CDKN2AIPNL: variants seen among roughly 807,000 people sequenced by gnomAD.
CDKN2AIPNL encodes CDKN2AIP N-terminal-like protein.
CDKN2AIPNL carries 9 observed loss-of-function variants against 12.9 expected under a neutral mutation model. That is an observed-to-expected ratio of 0.70 (90% CI 0.42 to 1.22). The LOEUF (loss-of-function observed/expected upper bound fraction) is 1.22, where lower values mean the gene tolerates loss of function less well. Ranked by LOEUF, CDKN2AIPNL falls within the 50% of genes most tolerant of loss-of-function variation. CDKN2AIPNL has a pLI of 0.00. For missense variants in CDKN2AIPNL, 143 were observed against 153.6 expected, an observed-to-expected ratio of 0.93 and a Z score of 0.37; for synonymous variants, 53 against 61.7, an observed-to-expected ratio of 0.86 and a Z score of 0.66.
At chr5:134,411,074 C>A (rs1328908972) in intron 1 of CDKN2AIPNL, 1 of 702,540 alleles carries the variant, frequency 1.4e-6, no homozygotes, top group East Asian at 2.7e-5. Context: ...CTACTTAGGA[C>A]CCCGTGGGCT....
At chr5:134,407,768 C>CAA (rs749911435) in intron 2 of CDKN2AIPNL, among the ~76,000 whole-genome samples, 4 of 85,032 alleles carry the variant, frequency 4.7e-5, no homozygotes, top group South Asian at 3.7e-4. Flanking sequence ...AACTCCATCT[C>CAA]AAAAAAAAAA....
chr5:134,410,098 C>CA (rs1279784680), intron 1 of CDKN2AIPNL, 96 bp from the exon 2 acceptor site: 3 of 811,126 alleles, frequency 3.7e-6, no homozygotes, highest in Non-Finnish European at 6.1e-6. Flanking sequence ...AATCAGCTCT[C>CA]AGAGAACTGA....
At position 134,402,939 on chromosome 5, in the gene CDKN2AIPNL, G is replaced by A; in HGVS notation, c.340-13C>T. ...CTTAGCTTTGATGCTGGGAAAAAAA[G>A]AAAAGAAAAGGTTACATAACCATGT... On this transcript the variant is annotated splice_polypyrimidine_tract_variant and intron_variant, in intron 2 of 2. Transcript: ENST00000458198. The A allele has an allele frequency of 6.2e-7, 1 of 1,602,468 alleles. No homozygotes were observed. The highest frequency in any genetic ancestry group is 8.5e-7 in the Non-Finnish European group (1 of 1,177,248).
intron 2 of CDKN2AIPNL, among the ~76,000 whole-genome samples, chr5:134,407,490 C>T (rs886792322): frequency 6.6e-6 from 1 of 151,952 alleles, no homozygotes; most frequent in African/African-American, 2.4e-5. Flanking sequence ...ATCAGAAAAC[C>T]TTGCTGGGCA....
intron 1 of CDKN2AIPNL, chr5:134,410,584 G>T: frequency 5.9e-6 from 1 of 170,748 alleles, no homozygotes. Flanking sequence ...TAAATACATG[G>T]AATGTTAGTC....
chr5:134,405,465 G>C (rs936299209), intron 2 of CDKN2AIPNL, among the ~76,000 whole-genome samples: 1 of 150,528 alleles, frequency 6.6e-6, no homozygotes, highest in African/African-American at 2.5e-5. Flanking sequence ...CGCCCAGGCT[G>C]GAGTGCAATG....
At chr5:134,405,550 G>C (rs1325828945) in intron 2 of CDKN2AIPNL, among the ~76,000 whole-genome samples, 1 of 151,802 alleles carries the variant, frequency 6.6e-6, no homozygotes, top group Non-Finnish European at 1.5e-5. Flanking sequence ...TTGAGTAGCT[G>C]GGATTACAGG....
chr5:134,411,703 T>C lies in CDKN2AIPNL; in HGVS notation c.152A>G (p.Tyr51Cys), dbSNP rs1177560202. 1 of 1,613,126 alleles carries C rather than the reference T, an allele frequency of 6.2e-7. No individual in the cohort carries two copies. The change falls in exon 1 of 3, where the codon TAC (tyrosine) becomes TGC (cysteine). Residue 51 changes from tyrosine to cysteine, a missense_variant. Tyr to Cys is a radical substitution (Grantham distance 194). This residue lies in a region of CDKN2AIPNL where 111 missense variants were observed against 111.4 expected (regional missense o/e 1.00). Transcript: ENST00000458198. ...GCCACTGCCGTCGGGCGGGTCGCGGTAGTCGGGCAGGTGGCGCAGGATGAA... is the reference window on the plus strand; with the variant it reads ...GCCACTGCCGTCGGGCGGGTCGCGGCAGTCGGGCAGGTGGCGCAGGATGAA... Reference protein sequence around the residue: ...MEFILRHLPDYRDPPDGSGRL... With the variant: ...MEFILRHLPDCRDPPDGSGRL...
chr5:134,405,486 G>A (rs1478727883), intron 2 of CDKN2AIPNL, among the ~76,000 whole-genome samples: 2 of 151,064 alleles, frequency 1.3e-5, no homozygotes, highest in African/African-American at 2.4e-5. Flanking sequence ...ACACGATCTC[G>A]GCTCACTGCA....
chr5:134,411,545 GT>G, intron 1 of CDKN2AIPNL, 70 bp downstream of exon 1: 3 of 1,356,080 alleles, frequency 2.2e-6, no homozygotes, highest in Non-Finnish European at 3.1e-6. Flanking sequence ...CGGGTCAGGG[GT>G]GAGCCCTGGG....
At chr5:134,411,020 C>T (rs1433649953) in intron 1 of CDKN2AIPNL, 1 of 702,210 alleles carries the variant, frequency 1.4e-6, no homozygotes, top group Admixed American at 2.0e-5. Flanking sequence ...AAAAAGGCAT[C>T]GGCCATTTTC....
chr5:134,405,439 CAG>C (rs1212226458), intron 2 of CDKN2AIPNL, among the ~76,000 whole-genome samples: 1 of 148,308 alleles, frequency 6.7e-6, no homozygotes, highest in South Asian at 2.1e-4. Context: ...TTTTTTGAGA[CAG>C]AGTCTCACTC....
chr5:134,408,394 G>A (rs1021687080), intron 2 of CDKN2AIPNL, among the ~76,000 whole-genome samples: 8 of 151,776 alleles, frequency 5.3e-5, no homozygotes, highest in African/African-American at 1.7e-4. Flanking sequence ...TTTAGTCCTG[G>A]TGCGGTGGCT....
intron 1 of CDKN2AIPNL, among the ~76,000 whole-genome samples, chr5:134,410,371 G>C (rs1234838289): frequency 6.6e-6 from 1 of 152,144 alleles, no homozygotes; most frequent in South Asian, 2.1e-4. Flanking sequence ...CTGACCTCAA[G>C]TGATCCTCCT....
At chr5:134,411,522 T>TGGGGCAGAGGTTC (rs1229556482) in intron 1 of CDKN2AIPNL, 94 bp downstream of exon 1, 2 of 1,113,212 alleles carry the variant, frequency 1.8e-6, no homozygotes, top group African/African-American at 1.6e-5. Flanking sequence ...GGGTTCAGTC[T>TGGGGCAGAGGTTC]GGGGCAGAGG....
intron 2 of CDKN2AIPNL, among the ~76,000 whole-genome samples, chr5:134,404,061 ATC>A (rs1424758057): frequency 6.6e-6 from 1 of 152,224 alleles, no homozygotes; most frequent in Non-Finnish European, 1.5e-5. Context: ...CCCCTAAGCC[ATC>A]TCTCAAATGA....
rs1175204418 is a variant in CDKN2AIPNL at position 134,402,611 on chromosome 5, C to T, written c.*304G>A. ...TTCTGCCTGGGCGACAGAGTGAGAC[C>T]TTGTCGATAAGAAAAAAAAAAACCT... On this transcript the variant is annotated 3_prime_UTR_variant, in exon 3 of 3. Transcript: ENST00000458198. The T allele has an allele frequency of 1.5e-5, 4 of 259,394 alleles. No individual in the cohort carries two copies. The highest frequency in any genetic ancestry group is 2.9e-5 in the Non-Finnish European group (4 of 138,148). 16.1% of individuals were successfully genotyped at this position (259,394 alleles called of 1,614,324 possible). A position where few individuals can be genotyped will look rare whatever the true frequency, so the allele number is the denominator to read the frequency against.
chr5:134,406,185 T>C (rs1759101785), intron 2 of CDKN2AIPNL, among the ~76,000 whole-genome samples: 1 of 152,366 alleles, frequency 6.6e-6, no homozygotes, highest in East Asian at 1.9e-4. Context: ...AGCTGCAGAA[T>C]AGCCATAAAG....
chr5:134,408,542 G>A (rs1172543413), intron 2 of CDKN2AIPNL, among the ~76,000 whole-genome samples: 1 of 148,760 alleles, frequency 6.7e-6, no homozygotes. Context: ...AAAATTGGCT[G>A]GGCGTGGTGG....
Sources: allele counts gnomAD v4.1 joint callset (sites outside exome capture counted in the v4.1 genomes callset), GRCh38; gene constraint gnomAD v4.1.1; regional missense constraint gnomAD v4.1.1; transcripts MANE v1.5; gene names NCBI Gene and HGNC (gene_info 2026-07-23, HGNC 2026-07-21).